Variants in MEF2A observed in about 807,000 individuals in gnomAD.
MEF2A encodes the protein myocyte enhancer factor 2A, also known as myocyte-specific enhancer factor 2A.
In MEF2A, 28 loss-of-function variants were observed where a neutral mutation model predicts 55.8. The observed-to-expected ratio is 0.50, with a 90% CI of 0.37 to 0.69. MEF2A has a LOEUF of 0.69. MEF2A is among the 30% of genes least tolerant of loss of function. The pLI, the probability that MEF2A is intolerant of heterozygous loss-of-function variation, is 0.00. For synonymous variants in MEF2A, 239 were observed against 227.1 expected, an observed-to-expected ratio of 1.05 and a Z score of -0.47; for missense variants, 528 against 626.2, an observed-to-expected ratio of 0.84 and a Z score of 1.67.
intron 1 of MEF2A, among the ~76,000 whole-genome samples, chr15:99,579,631 AG>A (rs2152832970): frequency 6.6e-6 from 1 of 152,290 alleles, no homozygotes; most frequent in South Asian, 2.1e-4. Context: ...CCCGGCCTCA[AG>A]TGATCCACTT....
intron 3 of MEF2A, among the ~76,000 whole-genome samples, chr15:99,644,570 T>TA (rs2045617552): frequency 6.6e-6 from 1 of 152,234 alleles, no homozygotes; most frequent in Non-Finnish European, 1.5e-5. Flanking sequence ...GGCCAGTAGT[T>TA]AAAGTTTATA....
intron 4 of MEF2A, among the ~76,000 whole-genome samples, chr15:99,652,955 C>T (rs567478001): frequency 6.6e-6 from 1 of 152,244 alleles, no homozygotes; most frequent in African/African-American, 2.4e-5. Flanking sequence ...GATATGCTGG[C>T]TATTTTATTA....
intron 4 of MEF2A, among the ~76,000 whole-genome samples, chr15:99,646,005 AC>A (rs947231327): frequency 6.6e-6 from 1 of 152,192 alleles, no homozygotes; most frequent in African/African-American, 2.4e-5. Flanking sequence ...CATAATCTTA[AC>A]ATTTCATCTA....
At chr15:99,674,300 A>C (rs934661211) in intron 5 of MEF2A, 93 bp from the exon 6 acceptor site, 34 of 1,138,890 alleles carry the variant, frequency 3.0e-5, no homozygotes, top group Non-Finnish European at 3.9e-5. Context: ...TACTTTTAGT[A>C]ACTTGAGTTA....
chr15:99,641,647 C>T (rs866740698), intron 3 of MEF2A, among the ~76,000 whole-genome samples: 19 of 152,154 alleles, frequency 1.2e-4, no homozygotes, highest in African/African-American at 4.6e-4. Context: ...GGCATGAACT[C>T]GGGAGGCGGA....
intron 4 of MEF2A, among the ~76,000 whole-genome samples, chr15:99,666,388 A>G (rs1425144003): frequency 2.0e-5 from 3 of 152,104 alleles, no homozygotes; most frequent in South Asian, 2.1e-4. Flanking sequence ...GAGTTGAACA[A>G]TGACAACACA....
chr15:99,638,789 TTC>T (rs1201923611), intron 3 of MEF2A, among the ~76,000 whole-genome samples: 1 of 152,196 alleles, frequency 6.6e-6, no homozygotes, highest in East Asian at 1.9e-4. Flanking sequence ...TGATCCCTTT[TTC>T]TCTTTGTTCT....
intron 1 of MEF2A, among the ~76,000 whole-genome samples, chr15:99,567,588 A>G (rs1246431044): frequency 1.3e-5 from 2 of 151,892 alleles, no homozygotes; most frequent in East Asian, 1.9e-4. Flanking sequence ...AAGTGAGGAT[A>G]AAAATGACTG....
intron 3 of MEF2A, among the ~76,000 whole-genome samples, chr15:99,640,981 C>G (rs1358051118): frequency 1.3e-5 from 2 of 152,114 alleles, no homozygotes; most frequent in Admixed American, 6.5e-5. Flanking sequence ...CATCTCTTAA[C>G]CCACCAGTCT....
chr15:99,633,150 A>T lies in MEF2A; in HGVS notation c.31A>T (p.Ile11Leu). The change falls in exon 3 of 12, where the codon ATA becomes TTA. Residue 11 changes from isoleucine to leucine, a missense_variant. Ile to Leu is a conservative substitution (Grantham distance 5). Transcript: ENST00000557942. The part of the protein sequence containing the change: MGRKKIQITR[I>L]MDERNRQVTF... ...GCGGAAGAAAATACAAATCACACGC[A>T]TAATGGATGAAAGGAACCGACAGGT... 1 of 1,590,944 alleles carries T rather than the reference A, an allele frequency of 6.3e-7. No individual in the cohort carries two copies. Among genetic ancestry groups the T allele is most frequent in the Non-Finnish European group, 8.5e-7 (1 of 1,171,554 alleles).
chr15:99,699,057 TAAAA>T (rs75522794), intron 8 of MEF2A, among the ~76,000 whole-genome samples: 3 of 134,520 alleles, frequency 2.2e-5, no homozygotes, highest in Non-Finnish European at 4.9e-5. Context: ...TCTTAAAAAT[TAAAA>T]AAAAAAAAAC....
chr15:99,671,709 C>T, intron 5 of MEF2A: 1 of 1,437,160 alleles, frequency 7.0e-7, no homozygotes, highest in Non-Finnish European at 9.1e-7. Flanking sequence ...AAGAGATTGA[C>T]CAAACATCTT....
intron 3 of MEF2A, 36 bp downstream of exon 3, chr15:99,633,209 A>C: frequency 7.1e-7 from 1 of 1,404,084 alleles, no homozygotes; most frequent in African/African-American, 1.5e-5. Flanking sequence ...ATTGATATGA[A>C]TATTCTTTTA....
intron 4 of MEF2A, among the ~76,000 whole-genome samples, chr15:99,649,917 T>A (rs183762139): frequency 2.0e-5 from 3 of 152,342 alleles, no homozygotes; most frequent in Admixed American, 1.3e-4. Flanking sequence ...TTGAAAATAC[T>A]AAATATTTCT....
chr15:99,708,936 G>GTA (rs2153818876), intron 10 of MEF2A, among the ~76,000 whole-genome samples: 1 of 152,292 alleles, frequency 6.6e-6, no homozygotes, highest in Admixed American at 6.5e-5. Context: ...GACTAGAGAG[G>GTA]TAAGTAATGA....
chr15:99,622,112 GA>G (rs1462974077), intron 2 of MEF2A, among the ~76,000 whole-genome samples: 1 of 152,174 alleles, frequency 6.6e-6, no homozygotes, highest in African/African-American at 2.4e-5. Context: ...ATGAGTGCTA[GA>G]TTCTATGATA....
intron 7 of MEF2A, among the ~76,000 whole-genome samples, chr15:99,684,470 T>G (rs775784141): frequency 6.6e-6 from 1 of 152,246 alleles, no homozygotes; most frequent in Non-Finnish European, 1.5e-5. Flanking sequence ...ATTAGTGATG[T>G]TGAGCATTTT....
chr15:99,693,796 A>G (rs1243135339), intron 8 of MEF2A, among the ~76,000 whole-genome samples: 1 of 152,234 alleles, frequency 6.6e-6, no homozygotes, highest in Admixed American at 6.5e-5. Context: ...ACACAAAGAA[A>G]TGAACAGTGG....
chr15:99,598,694 T>G (rs1316228344), intron 2 of MEF2A, among the ~76,000 whole-genome samples, 183 bp downstream of exon 2: 6 of 152,176 alleles, frequency 3.9e-5, no homozygotes, highest in African/African-American at 1.4e-4. Context: ...TATTGTGTAG[T>G]GGCAGTTTCT....
Sources: allele counts gnomAD v4.1 joint callset (sites outside exome capture counted in the v4.1 genomes callset), GRCh38; gene constraint gnomAD v4.1.1; transcripts MANE v1.5; gene names NCBI Gene and HGNC (gene_info 2026-07-23, HGNC 2026-07-21).